Variants in PRKD1 observed in about 807,000 individuals in gnomAD.
PRKD1 encodes the protein protein kinase D1.
Under a neutral mutation model 95.9 loss-of-function variants are expected in PRKD1, and 63 were observed. The ratio of observed to expected loss-of-function variants is 0.66; its 90% confidence interval spans 0.54 to 0.81. The LOEUF (loss-of-function observed/expected upper bound fraction) is 0.81, where lower values mean the gene tolerates loss of function less well. PRKD1 is among the 30% of genes least tolerant of loss of function. PRKD1 has a pLI of 0.00. For missense variants in PRKD1, 1,048 were observed against 1,165.3 expected (o/e 0.90, Z 1.47); for synonymous variants, 425 against 423.1 (o/e 1.00, Z -0.05).
chr14:29,749,319 T>A (rs193281781), intron 1 of PRKD1, among the ~76,000 whole-genome samples: 29 of 152,268 alleles, frequency 1.9e-4, no homozygotes, highest in Non-Finnish European at 3.5e-4. Flanking sequence ...GGAGGGGTGG[T>A]AAACCAGTTG....
intron 4 of PRKD1, among the ~76,000 whole-genome samples, chr14:29,641,832 A>T (rs1029494551): frequency 1.3e-5 from 2 of 151,982 alleles, no homozygotes; most frequent in African/African-American, 4.8e-5. Context: ...ATATTTATCA[A>T]TATTTACCTA....
chr14:29,776,740 A>C (rs1888777102), intron 1 of PRKD1, among the ~76,000 whole-genome samples: 1 of 152,242 alleles, frequency 6.6e-6, no homozygotes, highest in Admixed American at 6.5e-5. Context: ...ATCCAGGAGA[A>C]CTTCCCCAAA....
intron 1 of PRKD1, among the ~76,000 whole-genome samples, chr14:29,793,464 G>A (rs934534511): frequency 8.6e-5 from 13 of 152,036 alleles, no homozygotes; most frequent in African/African-American, 3.1e-4. Context: ...GATACTGTGC[G>A]CTCTAAATCC....
At chr14:29,866,345 T>C (rs1411496567) in intron 1 of PRKD1, among the ~76,000 whole-genome samples, 2 of 152,228 alleles carry the variant, frequency 1.3e-5, no homozygotes, top group East Asian at 1.9e-4. Flanking sequence ...CGTATTAGCA[T>C]CATATACCAT....
At chr14:29,696,505 T>G (rs1460401287) in intron 2 of PRKD1, among the ~76,000 whole-genome samples, 2 of 152,178 alleles carry the variant, frequency 1.3e-5, no homozygotes, top group African/African-American at 4.8e-5. Flanking sequence ...CTGCTAATCA[T>G]TATGGGTTCC....
At chr14:29,640,304 C>T (rs1880675166) in intron 4 of PRKD1, among the ~76,000 whole-genome samples, 1 of 152,150 alleles carries the variant, frequency 6.6e-6, no homozygotes, top group African/African-American at 2.4e-5. Context: ...ACTGATAAGA[C>T]AGCAATAAAT....
At chr14:29,737,278 C>T (rs1471993051) in intron 1 of PRKD1, among the ~76,000 whole-genome samples, 2 of 130,670 alleles carry the variant, frequency 1.5e-5, no homozygotes, top group East Asian at 2.5e-4. Context: ...GCCGAGATTG[C>T]GCCACTGCAG....
At chr14:29,843,024 T>C (rs1201321853) in intron 1 of PRKD1, among the ~76,000 whole-genome samples, 1 of 152,048 alleles carries the variant, frequency 6.6e-6, no homozygotes, top group Non-Finnish European at 1.5e-5. Context: ...AAATAGAAGG[T>C]ATTATTAACG....
At chr14:29,759,330 G>A (rs1167746709) in intron 1 of PRKD1, among the ~76,000 whole-genome samples, 1 of 152,056 alleles carries the variant, frequency 6.6e-6, no homozygotes, top group East Asian at 1.9e-4. Context: ...TCAATCACCT[G>A]GTGTGTGGAA....
intron 1 of PRKD1, among the ~76,000 whole-genome samples, chr14:29,826,762 T>TATATACAC (rs1891173408): frequency 6.1e-5 from 3 of 48,814 alleles, no homozygotes; most frequent in African/African-American, 2.1e-4. Context: ...TATATACATA[T>TATATACAC]ATATATACAC....
intron 1 of PRKD1, among the ~76,000 whole-genome samples, chr14:29,800,687 ATG>A (rs1889991575): frequency 6.6e-6 from 1 of 152,168 alleles, no homozygotes; most frequent in Non-Finnish European, 1.5e-5. Context: ...AGGAAAAAAA[ATG>A]TGTGTTTTCT....
intron 2 of PRKD1, among the ~76,000 whole-genome samples, chr14:29,688,869 G>C (rs1884041144): frequency 6.7e-6 from 1 of 149,498 alleles, no homozygotes. Context: ...GGAGGTGGAG[G>C]CTGGAGTAGG....
chr14:29,624,088 CTTTGCAGAAGTAAAGGATG>C, intron 13 of PRKD1, 45 bp downstream of exon 13: 1 of 1,183,448 alleles, frequency 8.4e-7, no homozygotes, highest in Non-Finnish European at 1.2e-6. Context: ...AATTTATTTG[CTTTGCAGAAGTAAAGGATG>C]AGGGATTTTT....
At chr14:29,920,743 G>C (rs1157206311) in intron 1 of PRKD1, among the ~76,000 whole-genome samples, 2 of 152,154 alleles carry the variant, frequency 1.3e-5, no homozygotes, top group Non-Finnish European at 2.9e-5. Context: ...ATAAGTGGTA[G>C]GTAGTGGGAA....
At chr14:29,655,896 G>T (rs951037356) in intron 4 of PRKD1, among the ~76,000 whole-genome samples, 5 of 150,300 alleles carry the variant, frequency 3.3e-5, no homozygotes, top group African/African-American at 1.2e-4. Context: ...CATGACACAC[G>T]TACCCTAGAA....
intron 2 of PRKD1, among the ~76,000 whole-genome samples, chr14:29,691,531 A>T (rs1884231980): frequency 6.6e-6 from 1 of 152,194 alleles, no homozygotes; most frequent in African/African-American, 2.4e-5. Flanking sequence ...CTCCAAGTCC[A>T]TATTGCCTTG....
At chr14:29,680,755 T>C (rs1314234003) in intron 2 of PRKD1, among the ~76,000 whole-genome samples, 1 of 152,168 alleles carries the variant, frequency 6.6e-6, no homozygotes, top group African/African-American at 2.4e-5. Flanking sequence ...AAGAAACAAT[T>C]TCTAAAAACT....
Position 29,673,174 on chromosome 14 carries a change from A to G in PRKD1, c.404-6966T>C, listed in dbSNP as rs903938098. On this transcript the variant is annotated intron_variant, in intron 2 of 17. Transcript: ENST00000331968. ...AACTATGCACAATTATTATCTGTCC[A>G]TTAAAAGAAATAAATTTATTTTTAA... Among the ~76,000 whole-genome samples the G allele has an allele frequency of 3.9e-5, 6 of 152,358 alleles. 1 individual carries two copies. The South Asian group carries it at 1.0e-3, about 26-fold the overall frequency.
chr14:29,585,328 A>G (rs1172288670), intron 16 of PRKD1, among the ~76,000 whole-genome samples: 1 of 152,078 alleles, frequency 6.6e-6, no homozygotes, highest in Non-Finnish European at 1.5e-5. Context: ...GGAGTCAATT[A>G]CTGGAATCCA....
Sources: gnomAD v4.1 joint callset for allele counts (sites outside exome capture counted in the v4.1 genomes callset) on GRCh38, gnomAD v4.1.1 for gene constraint, MANE v1.5 for transcripts, NCBI Gene and HGNC (gene_info 2026-07-23, HGNC 2026-07-21) for gene names.